The following ADGRL2 variants were observed in gnomAD, a reference collection of about 807,000 sequenced individuals.
ADGRL2 encodes adhesion G protein-coupled receptor L2.
A neutral mutation model predicts 157.4 loss-of-function variants in ADGRL2; 44 were observed. That is an observed-to-expected ratio of 0.28 (90% CI 0.22 to 0.36). ADGRL2 has a LOEUF of 0.36. Ranked by LOEUF, ADGRL2 falls within the 10% of genes least tolerant of loss-of-function variation. The pLI is 1.00. For missense variants in ADGRL2, 1,510 were observed against 1,768.9 expected (o/e 0.85, Z 2.63); for synonymous variants, 585 against 624.7 (o/e 0.94, Z 0.95).
chr1:81,400,024 C>T (rs370687369), intron 1 of ADGRL2, among the ~76,000 whole-genome samples: 17 of 152,054 alleles, frequency 1.1e-4, no homozygotes, highest in Admixed American at 2.6e-4. Flanking sequence ...GTAGACAGAA[C>T]GGTGTTCTTA....
At position 81,956,031 on chromosome 1, in the gene ADGRL2, C is replaced by T. The variant is rs1431791270; in HGVS notation, c.1988C>T (p.Thr663Ile). The change falls in exon 11 of 24, where the codon ACA (threonine) becomes ATA (isoleucine). Residue 663 changes from threonine (T) to isoleucine (I), a missense_variant. Physicochemically the swap from Thr to Ile is moderately conservative, Grantham distance 89. Coordinates refer to ENST00000686636, the MANE Select transcript of ADGRL2 (RefSeq NM_001366006.2). ...CTAGCTGACAATCTTTTAGAACCAACAAGGGTCTCAATGCCCACAGAAAAT... is the reference window on the plus strand; with the variant it reads ...CTAGCTGACAATCTTTTAGAACCAATAAGGGTCTCAATGCCCACAGAAAAT... ...FVLADNLLEPTRVSMPTENIV... is the reference protein window; with the variant it reads ...FVLADNLLEPIRVSMPTENIV... 3 of 1,604,538 alleles carry T rather than the reference C, an allele frequency of 1.9e-6. No individual in the cohort carries two copies. Among genetic ancestry groups the T allele is most frequent in the African/African-American group, 1.3e-5 (1 of 74,550 alleles).
At chr1:81,888,794 C>T (rs1259180875) in intron 2 of ADGRL2, among the ~76,000 whole-genome samples, 3 of 152,054 alleles carry the variant, frequency 2.0e-5, no homozygotes, top group Non-Finnish European at 4.4e-5. Flanking sequence ...CCTTGTTTCC[C>T]ACAAGTCTTA....
intron 2 of ADGRL2, among the ~76,000 whole-genome samples, chr1:81,555,417 C>T (rs936964607): frequency 3.3e-5 from 5 of 151,668 alleles, no homozygotes; most frequent in African/African-American, 4.8e-5. Flanking sequence ...TACAGGCACC[C>T]GCCACCATAT....
chr1:81,381,884 C>T (rs938372186), intron 1 of ADGRL2, among the ~76,000 whole-genome samples: 3 of 152,064 alleles, frequency 2.0e-5, no homozygotes, highest in Non-Finnish European at 4.4e-5. Flanking sequence ...GTTCCATAAC[C>T]CCACTCACCT....
intron 11 of ADGRL2, among the ~76,000 whole-genome samples, chr1:81,964,911 T>G (rs1656593160): frequency 6.6e-6 from 1 of 152,142 alleles, no homozygotes; most frequent in Admixed American, 6.5e-5. Context: ...TAATATAAGA[T>G]AGTTAACTCC....
At chr1:81,756,001 G>C (rs2085677530) in intron 1 of ADGRL2, among the ~76,000 whole-genome samples, 1 of 152,046 alleles carries the variant, frequency 6.6e-6, no homozygotes, top group African/African-American at 2.4e-5. Flanking sequence ...ATGCACATTC[G>C]AGTTTAAGAA....
Position 81,311,219 on chromosome 1 carries a change from T to C in ADGRL2, c.-302+4710T>C, listed in dbSNP as rs1281933058. Reference sequence around the variant, plus strand: ...AAGCAAAACTTCATTAGATAAGATGTACCAGGATTAGAAAGTCTGTTTGTT... The same window carrying C: ...AAGCAAAACTTCATTAGATAAGATGCACCAGGATTAGAAAGTCTGTTTGTT... On this transcript the variant is annotated intron_variant, in intron 1 of 24. Coordinates refer to the ADGRL2 transcript ENST00000370721. Among the ~76,000 whole-genome samples, 5 of 152,250 alleles carry C rather than the reference T, an allele frequency of 3.3e-5. No homozygotes were observed. The South Asian group carries it at 1.0e-3, about 31-fold the overall frequency.
chr1:81,665,087 G>T (rs990386982), intron 3 of ADGRL2, among the ~76,000 whole-genome samples: 1 of 152,054 alleles, frequency 6.6e-6, no homozygotes, highest in Non-Finnish European at 1.5e-5. Context: ...TCTGATCAAG[G>T]CACAGTGATG....
chr1:81,827,817 G>A lies in ADGRL2; in HGVS notation c.-100-9068G>A, dbSNP rs537772750. 7.2e-5 allele frequency among the ~76,000 whole-genome samples: 11 copies of A among 152,030 alleles called. No homozygotes were observed. The South Asian group carries it at 8.3e-4, about 11-fold the overall frequency. ...TGACCTCAGCCAATCCACCGGCCTC[G>A]GACTCCCAAAGTGCTAGGATTACAG... On this transcript the variant is annotated intron_variant, in intron 1 of 23. Transcript: ENST00000686636.
chr1:81,395,934 G>C (rs2076647801), intron 1 of ADGRL2, among the ~76,000 whole-genome samples: 1 of 152,098 alleles, frequency 6.6e-6, no homozygotes, highest in South Asian at 2.1e-4. Flanking sequence ...ATGTTATTTA[G>C]CTTTGCAGTA....
intron 1 of ADGRL2, among the ~76,000 whole-genome samples, chr1:81,708,722 A>G (rs1459716506): frequency 6.6e-6 from 1 of 152,018 alleles, no homozygotes; most frequent in African/African-American, 2.4e-5. Context: ...AAGCATAAAA[A>G]TTAGGATGGA....
At chr1:81,495,489 C>A (rs902649876) in intron 2 of ADGRL2, among the ~76,000 whole-genome samples, 1 of 152,126 alleles carries the variant, frequency 6.6e-6, no homozygotes, top group African/African-American at 2.4e-5. Context: ...GCAACAAAAT[C>A]CAAAGACTTA....
At chr1:81,708,175 C>T (rs1342557620) in intron 1 of ADGRL2, among the ~76,000 whole-genome samples, 1 of 152,104 alleles carries the variant, frequency 6.6e-6, no homozygotes, top group Non-Finnish European at 1.5e-5. Flanking sequence ...CAAGGAGGCA[C>T]CTTCATAAAC....
intron 16 of ADGRL2, among the ~76,000 whole-genome samples, 191 bp from the exon 17 acceptor site, chr1:81,971,661 G>A (rs992368474): frequency 7.3e-5 from 10 of 137,040 alleles, no homozygotes; most frequent in African/African-American, 2.8e-4. Flanking sequence ...GCAGTTTGAA[G>A]TAAATAAATT....
chr1:81,718,970 G>A (rs182814305), intron 1 of ADGRL2, among the ~76,000 whole-genome samples: 1 of 152,208 alleles, frequency 6.6e-6, no homozygotes, highest in African/African-American at 2.4e-5. Context: ...GAATTTTTGT[G>A]ATTGAATATC....
chr1:81,721,287 T>C (rs943672539), intron 1 of ADGRL2, among the ~76,000 whole-genome samples: 6 of 152,056 alleles, frequency 3.9e-5, no homozygotes, highest in Admixed American at 1.3e-4. Context: ...TCTTTTAATA[T>C]ACTTGGAGTC....
chr1:81,361,299 T>C (rs2075974696), intron 1 of ADGRL2, among the ~76,000 whole-genome samples: 1 of 151,966 alleles, frequency 6.6e-6, no homozygotes. Context: ...GATATTCTAA[T>C]GTGCTTTTTA....
intron 2 of ADGRL2, among the ~76,000 whole-genome samples, chr1:81,851,692 C>T (rs1322170937): frequency 2.0e-5 from 3 of 148,892 alleles, no homozygotes; most frequent in Non-Finnish European, 4.5e-5. Context: ...TATAAAAATT[C>T]GTAGCTTTTT....
At chr1:81,454,748 G>A (rs980086945) in intron 2 of ADGRL2, among the ~76,000 whole-genome samples, 2 of 152,062 alleles carry the variant, frequency 1.3e-5, no homozygotes, top group African/African-American at 2.4e-5. Context: ...TTCATCATCC[G>A]GGCCTCCATA....
Sources: gnomAD v4.1 joint callset for allele counts (sites outside exome capture counted in the v4.1 genomes callset) on GRCh38, gnomAD v4.1.1 for gene constraint, MANE v1.5 for transcripts, NCBI Gene and HGNC (gene_info 2026-07-23, HGNC 2026-07-21) for gene names.